GRAP2: variants seen among roughly 807,000 people sequenced by gnomAD.
GRAP2 encodes the protein GRB2-related adapter protein 2.
In GRAP2, 31 loss-of-function variants were observed where a neutral mutation model predicts 43.5. The observed-to-expected ratio is 0.71, with a 90% CI of 0.54 to 0.96. The LOEUF (loss-of-function observed/expected upper bound fraction) is 0.96. Among genes scored for constraint, GRAP2 ranks in the 40% least tolerant of loss-of-function variants. The probability of loss-of-function intolerance (pLI) is 0.00; values close to 1 mark genes in which losing one functional copy is unlikely to be tolerated. For synonymous variants in GRAP2, 156 were observed against 164.8 expected (o/e 0.95, Z 0.41); for missense variants, 371 against 424.4 (o/e 0.87, Z 1.11).
chr22:39,911,977 AC>A (rs1257804587), intron 1 of GRAP2, among the ~76,000 whole-genome samples: 2 of 152,092 alleles, frequency 1.3e-5, no homozygotes, highest in African/African-American at 4.8e-5. Context: ...CTCCCATTTT[AC>A]CCGCTGTAGA....
Position 39,960,045 on chromosome 22 carries a change from G to A in GRAP2, c.171-10G>A, listed in dbSNP as rs369835057. On this transcript the variant is annotated splice_polypyrimidine_tract_variant and intron_variant, in intron 3 of 7. Coordinates refer to ENST00000344138, the MANE Select transcript of GRAP2 (RefSeq NM_004810.4). ...CATCCTGATCCTTTTGTTTGATCTC[G>A]CCCCCACAGATGGTTTCACGAAGGC... 3.4e-5 allele frequency: 55 copies of A among 1,612,756 alleles called. No homozygotes were observed. The highest frequency in any genetic ancestry group is 4.4e-5 in the South Asian group (4 of 91,036).
intron 5 of GRAP2, among the ~76,000 whole-genome samples, chr22:39,966,373 G>A (rs2067174363): frequency 6.6e-6 from 1 of 152,212 alleles, no homozygotes; most frequent in Admixed American, 6.5e-5. Context: ...ATAAAGTAGG[G>A]ACAATGGTAA....
chr22:39,926,672 G>A, intron 1 of GRAP2: 3 of 985,278 alleles, frequency 3.0e-6, no homozygotes, highest in Non-Finnish European at 3.6e-6. Context: ...GAGCTGTTTG[G>A]AAAATTCGTT....
chr22:39,924,688 C>A (rs187088900), intron 1 of GRAP2, among the ~76,000 whole-genome samples: 2 of 151,744 alleles, frequency 1.3e-5, no homozygotes, highest in Admixed American at 1.3e-4. Flanking sequence ...GGTGACAAAA[C>A]GAGACTCCGT....
At chr22:39,913,423 T>G (rs2066581448) in intron 1 of GRAP2, among the ~76,000 whole-genome samples, 1 of 152,236 alleles carries the variant, frequency 6.6e-6, no homozygotes, top group Admixed American at 6.5e-5. Context: ...TCCAGTAAGA[T>G]GAAGACTCAG....
intron 1 of GRAP2, among the ~76,000 whole-genome samples, chr22:39,914,090 T>C (rs1302020547): frequency 6.6e-6 from 1 of 152,196 alleles, no homozygotes; most frequent in Non-Finnish European, 1.5e-5. Flanking sequence ...CCTCTGGACC[T>C]GCTCCAAGCC....
chr22:39,902,325 C>T (rs1357645062), intron 1 of GRAP2, among the ~76,000 whole-genome samples: 1 of 152,016 alleles, frequency 6.6e-6, no homozygotes, highest in Non-Finnish European at 1.5e-5. Context: ...TTTTTGGTTT[C>T]GGAAAGAGTA....
intron 1 of GRAP2, among the ~76,000 whole-genome samples, chr22:39,914,493 C>A (rs890039395): frequency 2.0e-5 from 3 of 152,140 alleles, no homozygotes; most frequent in Admixed American, 6.5e-5. Flanking sequence ...TTTTTCATTT[C>A]GAATGAGCTG....
intron 1 of GRAP2, chr22:39,926,888 G>A: frequency 1.0e-6 from 1 of 974,156 alleles, no homozygotes. Flanking sequence ...ATTGGAATGG[G>A]GAAGGGAGAC....
chr22:39,920,878 A>G (rs2066643154), intron 1 of GRAP2, among the ~76,000 whole-genome samples: 1 of 151,932 alleles, frequency 6.6e-6, no homozygotes, highest in African/African-American at 2.4e-5. Context: ...TAGCAGGACA[A>G]GACCTGATAG....
At chr22:39,937,610 G>C (rs997978568) in intron 1 of GRAP2, among the ~76,000 whole-genome samples, 1 of 152,214 alleles carries the variant, frequency 6.6e-6, no homozygotes, top group Non-Finnish European at 1.5e-5. Flanking sequence ...ATGCAAAAAT[G>C]CTTTGAAGAA....
chr22:39,964,504 A>C (rs1009960253), intron 4 of GRAP2: 27 of 1,029,380 alleles, frequency 2.6e-5, no homozygotes, highest in Admixed American at 1.9e-4. Flanking sequence ...CGAGGTGCTA[A>C]AAGCGAAGGT....
At chr22:39,910,084 T>C (rs1053001303) in intron 1 of GRAP2, among the ~76,000 whole-genome samples, 10 of 152,238 alleles carry the variant, frequency 6.6e-5, no homozygotes, top group African/African-American at 2.4e-4. Context: ...TTAGTTCTTG[T>C]AACCACTCCT....
At chr22:39,896,489 C>T (rs757801445), upstream of GRAP2, among the ~76,000 whole-genome samples, 3 of 152,068 alleles carry the variant, frequency 2.0e-5, no homozygotes, top group East Asian at 1.9e-4. Context: ...AATTCTGCTT[C>T]GGACATTTTG....
chr22:39,902,917 C>T (rs1290560301), intron 1 of GRAP2, among the ~76,000 whole-genome samples: 2 of 152,168 alleles, frequency 1.3e-5, no homozygotes, highest in Non-Finnish European at 2.9e-5. Flanking sequence ...TCATTTTCTT[C>T]CCACTTCTTA....
At chr22:39,970,314 C>A (rs1306308038) in intron 7 of GRAP2, among the ~76,000 whole-genome samples, 1 of 152,114 alleles carries the variant, frequency 6.6e-6, no homozygotes, top group Admixed American at 6.5e-5. Context: ...CTCCTGGGCT[C>A]AAGCAATCCT....
chr22:39,943,048 T>C (rs1807237655), intron 1 of GRAP2, among the ~76,000 whole-genome samples: 1 of 152,232 alleles, frequency 6.6e-6, no homozygotes, highest in Non-Finnish European at 1.5e-5. Flanking sequence ...TGTGGTGTTA[T>C]GCAATTGCCC....
intron 1 of GRAP2, among the ~76,000 whole-genome samples, chr22:39,920,824 G>A (rs1213669192): frequency 6.6e-6 from 1 of 151,652 alleles, no homozygotes; most frequent in Non-Finnish European, 1.5e-5. Flanking sequence ...AACCGTGCAT[G>A]CCCTGACAGC....
At chr22:39,942,467 T>G (rs2066880800) in intron 1 of GRAP2, among the ~76,000 whole-genome samples, 1 of 152,128 alleles carries the variant, frequency 6.6e-6, no homozygotes, top group Non-Finnish European at 1.5e-5. Flanking sequence ...TTACTTCATT[T>G]CGTATACAAG....
Sources: allele counts gnomAD v4.1 joint callset (sites outside exome capture counted in the v4.1 genomes callset), GRCh38; gene constraint gnomAD v4.1.1; transcripts MANE v1.5; gene names NCBI Gene and HGNC (gene_info 2026-07-23, HGNC 2026-07-21).